Variants in ANO4 observed in about 807,000 individuals in gnomAD.
ANO4 encodes anoctamin-4.
A neutral mutation model predicts 141.9 loss-of-function variants in ANO4; 69 were observed. That is an observed-to-expected ratio of 0.49 (90% CI 0.40 to 0.59). The LOEUF (loss-of-function observed/expected upper bound fraction) is 0.59. ANO4 is among the 20% of genes least tolerant of loss of function. The pLI, the probability that ANO4 is intolerant of heterozygous loss-of-function variation, is 0.00. For missense variants in ANO4, 894 were observed against 1,162.2 expected (o/e 0.77, Z 3.36); for synonymous variants, 350 against 394.3 (o/e 0.89, Z 1.33).
rs577093685 is a variant in ANO4, at chr12:100,970,702, C to G, written c.457-604C>G. Among the ~76,000 whole-genome samples the G allele has an allele frequency of 3.2e-3, 433 of 135,254 alleles. 3 individuals carry two copies. Among genetic ancestry groups the G allele is most frequent in the Non-Finnish European group, 4.9e-3 (309 of 63,600 alleles). 88.7% of individuals were successfully genotyped at this position (135,254 alleles called of 152,430 possible). A position where few individuals can be genotyped will look rare whatever the true frequency, so the allele number is the denominator to read the frequency against. ...CCTTCCTTCCTTCCTTCCTTCCTTCCTTCCTTCCTTCCTTCCTTCCTTCCT... is the reference window on the plus strand; with the variant it reads ...CCTTCCTTCCTTCCTTCCTTCCTTCGTTCCTTCCTTCCTTCCTTCCTTCCT... On this transcript the variant is annotated intron_variant, in intron 5 of 27. Coordinates refer to ENST00000392977, the MANE Select transcript of ANO4 (RefSeq NM_001286615.2).
At chr12:100,752,366 C>T (rs1266579827) in intron 3 of ANO4, among the ~76,000 whole-genome samples, 2 of 152,022 alleles carry the variant, frequency 1.3e-5, no homozygotes, top group Non-Finnish European at 2.9e-5. Context: ...CCTCCCTCTC[C>T]CTCTTACACA....
At chr12:100,822,544 C>G (rs527840408) in intron 1 of ANO4, among the ~76,000 whole-genome samples, 1 of 151,966 alleles carries the variant, frequency 6.6e-6, no homozygotes, top group East Asian at 1.9e-4. Context: ...CATACACACA[C>G]GCACAGGGCG....
At chr12:100,902,581 A>C (rs935533228) in intron 2 of ANO4, among the ~76,000 whole-genome samples, 1 of 152,208 alleles carries the variant, frequency 6.6e-6, no homozygotes, top group African/African-American at 2.4e-5. Context: ...ACTCTCACCC[A>C]ATCCTGATTC....
intron 14 of ANO4, chr12:101,066,625 T>A: frequency 1.9e-6 from 1 of 536,848 alleles, no homozygotes; most frequent in African/African-American, 1.9e-5. Flanking sequence ...AGAGATGCCC[T>A]GCTGGGAGAG....
At chr12:100,856,140 A>G (rs182334661) in intron 1 of ANO4, among the ~76,000 whole-genome samples, 127 of 152,248 alleles carry the variant, frequency 8.3e-4, no homozygotes, top group African/African-American at 3.0e-3. Flanking sequence ...GGCTGGAACA[A>G]TGGGTGAGAG....
At chr12:100,759,004 T>C (rs1300215407) in intron 3 of ANO4, among the ~76,000 whole-genome samples, 2 of 152,160 alleles carry the variant, frequency 1.3e-5, no homozygotes, top group African/African-American at 4.8e-5. Context: ...CTTAACTATA[T>C]GTGCAAAGAC....
chr12:100,836,671 G>A (rs529294634), intron 1 of ANO4, among the ~76,000 whole-genome samples: 2 of 152,174 alleles, frequency 1.3e-5, no homozygotes, highest in East Asian at 3.9e-4. Context: ...GAGGTCATAG[G>A]CAATGCTTCC....
At chr12:101,077,119 C>T (rs901015650) in intron 14 of ANO4, among the ~76,000 whole-genome samples, 15 of 152,294 alleles carry the variant, frequency 9.8e-5, no homozygotes, top group African/African-American at 3.6e-4. Flanking sequence ...AATTTTAGTA[C>T]ATGCTAAGCA....
chr12:101,042,574 A>G (rs2047451418), intron 12 of ANO4, 106 bp downstream of exon 12: 1 of 1,441,324 alleles, frequency 6.9e-7, no homozygotes, highest in Admixed American at 1.9e-5. Flanking sequence ...TTTTCACTCA[A>G]ACTTCCTACC....
chr12:101,101,816 C>G (rs917190331), intron 22 of ANO4, among the ~76,000 whole-genome samples: 1 of 152,122 alleles, frequency 6.6e-6, no homozygotes, highest in Non-Finnish European at 1.5e-5. Flanking sequence ...GGCGTGGTGG[C>G]TCACACCTGT....
chr12:100,890,823 C>A (rs1421344018), intron 1 of ANO4, among the ~76,000 whole-genome samples: 1 of 152,154 alleles, frequency 6.6e-6, no homozygotes, highest in African/African-American at 2.4e-5. Context: ...TGTGTATTAG[C>A]GTTCACTGTT....
At chr12:100,883,585 T>C (rs535980192) in intron 1 of ANO4, among the ~76,000 whole-genome samples, 1 of 152,318 alleles carries the variant, frequency 6.6e-6, no homozygotes, top group Admixed American at 6.5e-5. Context: ...TAATGACATG[T>C]TTATTTTTTC....
intron 14 of ANO4, chr12:101,067,083 G>A: frequency 2.4e-6 from 1 of 410,484 alleles, no homozygotes. Context: ...AGTTCTTTCT[G>A]CCTTGCTATT....
chr12:100,950,520 A>G (rs2042928665), intron 5 of ANO4, among the ~76,000 whole-genome samples: 1 of 152,196 alleles, frequency 6.6e-6, no homozygotes, highest in Non-Finnish European at 1.5e-5. Context: ...AAGCATAAGC[A>G]GAACTTGAGG....
At chr12:101,095,185 G>C (rs561315461) in intron 18 of ANO4, among the ~76,000 whole-genome samples, 6 of 152,172 alleles carry the variant, frequency 3.9e-5, no homozygotes, top group Non-Finnish European at 8.8e-5. Flanking sequence ...ACAACAGATA[G>C]CATTTACTGA....
At chr12:100,968,460 C>G (rs191861256) in intron 5 of ANO4, among the ~76,000 whole-genome samples, 20 of 152,202 alleles carry the variant, frequency 1.3e-4, no homozygotes, top group African/African-American at 4.8e-4. Flanking sequence ...AATTCAGTGA[C>G]TCTATCACAT....
At chr12:100,920,432 CATT>C (rs1181489444) in intron 2 of ANO4, among the ~76,000 whole-genome samples, 5 of 146,490 alleles carry the variant, frequency 3.4e-5, no homozygotes, top group East Asian at 2.0e-4. Context: ...ATTTTTCTGT[CATT>C]GTTGTAATTA....
At chr12:100,997,758 G>A (rs939001327) in intron 8 of ANO4, among the ~76,000 whole-genome samples, 3 of 152,074 alleles carry the variant, frequency 2.0e-5, no homozygotes, top group African/African-American at 7.2e-5. Flanking sequence ...CAATACCATA[G>A]GTAATGGGTT....
intron 14 of ANO4, among the ~76,000 whole-genome samples, chr12:101,073,439 A>G (rs2048900498): frequency 6.6e-6 from 1 of 151,978 alleles, no homozygotes; most frequent in African/African-American, 2.4e-5. Context: ...GGGGGCAGGG[A>G]GAGGGATAGC....
Sources: allele counts gnomAD v4.1 joint callset (sites outside exome capture counted in the v4.1 genomes callset), GRCh38; gene constraint gnomAD v4.1.1; transcripts MANE v1.5; gene names NCBI Gene and HGNC (gene_info 2026-07-23, HGNC 2026-07-21).